The following GGNBP2 variants were observed in gnomAD, a reference collection of about 807,000 sequenced individuals.
GGNBP2 encodes the protein gametogenetin binding protein 2.
Under a neutral mutation model 85.9 loss-of-function variants are expected in GGNBP2, and 10 were observed. That is an observed-to-expected ratio of 0.12 (90% confidence interval 0.07 to 0.20). The LOEUF is 0.20. Ranked by LOEUF, GGNBP2 falls within the 10% of genes least tolerant of loss-of-function variation. The pLI is 1.00. For missense variants in GGNBP2, 595 were observed against 857.8 expected (o/e 0.69, Z 3.83); for synonymous variants, 287 against 285.7 (o/e 1.00, Z -0.05).
chr17:36,545,810 C>T lies in GGNBP2; in HGVS notation c.86C>T (p.Thr29Ile), dbSNP rs1010535744. 1 of 1,558,200 alleles carries T rather than the reference C, an allele frequency of 6.4e-7. No individual in the cohort carries two copies. The highest frequency in any genetic ancestry group is 8.7e-7 in the Non-Finnish European group (1 of 1,151,118). ...CAGATTCCCCTCTACATAGACGACA[C>T]CCTGACGGTGAGCGGGCCGGGCCGG... The part of the protein sequence containing the change: ...RRQIPLYIDD[T>I]LTMVMEFPDN... Residue 29 changes from threonine (T) to isoleucine (I), a missense_variant, in exon 2 of 14, where the codon ACC becomes ATC. Thr to Ile is a moderately conservative substitution (Grantham distance 89). Around this residue, in one of 9 missense-constraint regions of GGNBP2, gnomAD observed 216 missense variants for 293.4 expected, o/e 0.74. Transcript: ENST00000613102.
At chr17:36,556,733 A>T (rs1343073489) in intron 3 of GGNBP2, among the ~76,000 whole-genome samples, 1 of 148,906 alleles carries the variant, frequency 6.7e-6, no homozygotes, top group Admixed American at 6.7e-5. Context: ...CTTAAAAAAA[A>T]GGTACAGCTG....
intron 6 of GGNBP2, among the ~76,000 whole-genome samples, chr17:36,575,613 CATATATATATATATATATATATATAT>C (rs776677029): frequency 9.0e-5 from 6 of 66,940 alleles, no homozygotes; most frequent in African/African-American, 5.3e-4. Flanking sequence ...TCTAATGTAA[CATATATATATATATATATATATATAT>C]ATATATATAT....
chr17:36,557,442 T>A (rs1471174153), intron 4 of GGNBP2, 106 bp downstream of exon 4: 2 of 955,360 alleles, frequency 2.1e-6, no homozygotes, highest in Non-Finnish European at 3.2e-6. Flanking sequence ...GATTTAATAA[T>A]TTTATTGAGT....
Position 36,579,422 on chromosome 17 carries a change from A to C in GGNBP2, c.1020+3A>C, listed in dbSNP as rs1286773905. The C allele has an allele frequency of 1.2e-6, 2 of 1,613,670 alleles. No individual in the cohort carries two copies. The highest frequency in any genetic ancestry group is 1.7e-6 in the Non-Finnish European group (2 of 1,179,684). ...ATGCTTTACGCAAGAGTTTTGAGGTAAGAACAGTGGGCTGTTCCAGTATCT... is the reference window on the plus strand; with the variant it reads ...ATGCTTTACGCAAGAGTTTTGAGGTCAGAACAGTGGGCTGTTCCAGTATCT... On this transcript the variant is annotated splice_donor_region_variant and intron_variant, in intron 8 of 13. Coordinates refer to ENST00000613102, the MANE Select transcript of GGNBP2 (RefSeq NM_024835.5).
intron 1 of GGNBP2, 166 bp from the exon 2 acceptor site, chr17:36,545,453 G>T (rs1331086485): frequency 2.5e-6 from 1 of 399,050 alleles, no homozygotes; most frequent in Non-Finnish European, 4.4e-6. Context: ...CGCGAGGGGG[G>T]CGGGTCCCGG....
intron 13 of GGNBP2, among the ~76,000 whole-genome samples, chr17:36,588,530 A>G (rs1172507609): frequency 6.6e-6 from 1 of 152,076 alleles, no homozygotes; most frequent in African/African-American, 2.4e-5. Context: ...TGCTGGGATT[A>G]CAGGCGTGAG....
chr17:36,545,569 T>C, intron 1 of GGNBP2, 50 bp from the exon 2 acceptor site: 1 of 599,766 alleles, frequency 1.7e-6, no homozygotes, highest in East Asian at 2.9e-5. Context: ...CCGTGGCGAA[T>C]GTGCTGCGCA....
At chr17:36,568,458 G>A (rs1555606248) in intron 6 of GGNBP2, among the ~76,000 whole-genome samples, 1 of 152,014 alleles carries the variant, frequency 6.6e-6, no homozygotes, top group Non-Finnish European at 1.5e-5. Flanking sequence ...CACCACGCCC[G>A]GCTAATTTTT....
chr17:36,553,265 A>C (rs1166145470), intron 2 of GGNBP2, among the ~76,000 whole-genome samples: 1 of 152,190 alleles, frequency 6.6e-6, no homozygotes, highest in Non-Finnish European at 1.5e-5. Flanking sequence ...TGAAAATTTG[A>C]AGTGTGTTGC....
intron 6 of GGNBP2, among the ~76,000 whole-genome samples, chr17:36,569,887 G>A (rs1038251414): frequency 4.6e-5 from 7 of 152,104 alleles, no homozygotes; most frequent in African/African-American, 1.4e-4. Context: ...CTATGTTTAG[G>A]GTTAGTGTTT....
rs1487771773 is a variant in GGNBP2 at position 36,575,640 on chromosome 17, A to T, written c.642-2343A>T. Among the ~76,000 whole-genome samples the T allele has an allele frequency of 3.2e-3, 159 of 50,020 alleles. 4 individuals carry two copies. Among genetic ancestry groups the T allele is most frequent in the African/African-American group, 0.01 (113 of 11,132 alleles). The allele number at this position is 50,020 out of a possible 152,430, so 32.8% of individuals were successfully genotyped here. ...TATATATATATATATATATATATAT[A>T]TATATATATTTTTTTTTTTTTTTGA... On this transcript the variant is annotated intron_variant, in intron 6 of 13. Transcript: ENST00000613102.
At chr17:36,556,789 A>C (rs2074366603) in intron 3 of GGNBP2, among the ~76,000 whole-genome samples, 1 of 104,754 alleles carries the variant, frequency 9.5e-6, no homozygotes. Context: ...TTGTGAGAGG[A>C]CTGGCCTAAT....
At chr17:36,577,293 T>C (rs2142765186) in intron 6 of GGNBP2, 1 of 152,330 alleles carries the variant, frequency 6.6e-6, no homozygotes, top group East Asian at 1.9e-4. Context: ...ATTCACAAAC[T>C]CTTCTATTCT....
At position 36,589,586 on chromosome 17, in the gene GGNBP2, T is replaced by C. The variant is rs1182982265; in HGVS notation, c.*175T>C. Reference sequence around the variant, plus strand: ...CTCATTAGTTCTTTCTTCAGGCTTGTGTCTTTAGTTGCGTGGCTGCGCAGG... The same window carrying C: ...CTCATTAGTTCTTTCTTCAGGCTTGCGTCTTTAGTTGCGTGGCTGCGCAGG... On this transcript the variant is annotated 3_prime_UTR_variant, in exon 14 of 14. Transcript: ENST00000613102. The C allele has an allele frequency of 3.3e-6, 2 of 600,858 alleles. No individual in the cohort carries two copies. Among genetic ancestry groups the C allele is most frequent in the East Asian group, 5.5e-5 (2 of 36,388 alleles). The allele number at this position is 600,858 out of a possible 1,614,324, so 37.2% of individuals were successfully genotyped here.
At chr17:36,582,881 T>C (rs2142780961) in intron 9 of GGNBP2, among the ~76,000 whole-genome samples, 1 of 152,282 alleles carries the variant, frequency 6.6e-6, no homozygotes, top group African/African-American at 2.4e-5. Flanking sequence ...TTACCAATAT[T>C]TACTGTATTA....
intron 6 of GGNBP2, among the ~76,000 whole-genome samples, chr17:36,575,648 A>ATATATATATATATATTTTT (rs374366757): frequency 1.8e-5 from 1 of 54,912 alleles, no homozygotes; most frequent in African/African-American, 1.1e-4. Flanking sequence ...ATATATATAT[A>ATATATATATATATATTTTT]TTTTTTTTTT....
chr17:36,579,365 G>A lies in GGNBP2; in HGVS notation c.966G>A (p.Gln322=), dbSNP rs2074622471. 1 of 1,614,254 alleles carries A rather than the reference G, an allele frequency of 6.2e-7. No individual in the cohort carries two copies. The highest frequency in any genetic ancestry group is 8.5e-7 in the Non-Finnish European group (1 of 1,180,034). ...RIWQKLRAEE[Q]TWQMLFYLGV... Reference sequence around the variant, plus strand: ...GGCAGAAGCTACGGGCAGAAGAGCAGACATGGCAGATGCTTTTCTATCTTG... The same window carrying A: ...GGCAGAAGCTACGGGCAGAAGAGCAAACATGGCAGATGCTTTTCTATCTTG... The change falls in exon 8 of 14, where the codon CAG becomes CAA. Residue 322 remains glutamine, a synonymous_variant. Coordinates refer to ENST00000613102, the MANE Select transcript of GGNBP2 (RefSeq NM_024835.5).
rs2074708564 is a variant in GGNBP2 at position 36,586,999 on chromosome 17, C to G, written c.1644C>G (p.Ile548Met). The change falls in exon 13 of 14, where the codon ATC (isoleucine) becomes ATG (methionine). Residue 548 changes from isoleucine (I) to methionine (M), a missense_variant and splice_region_variant. Physicochemically the swap from Ile to Met is conservative, Grantham distance 10. Coordinates refer to ENST00000613102, the MANE Select transcript of GGNBP2 (RefSeq NM_024835.5). ...KSKILKCDEH[I>M]QKLGSCITDP... ...GAAATCCTTTGCTGTGGTATCAGAT[C>G]CAGAAGCTTGGAAGCTGTATTACAG... The G allele has an allele frequency of 1.2e-6, 2 of 1,611,016 alleles. No homozygotes were observed. Among genetic ancestry groups the G allele is most frequent in the African/African-American group, 1.3e-5 (1 of 74,386 alleles).
In GGNBP2 at chr17:36,545,692, G is replaced by C; in HGVS notation, c.-33G>C. 6.6e-7 allele frequency: 1 copy of C among 1,509,810 alleles called. No individual in the cohort carries two copies. The highest frequency in any genetic ancestry group is 9.0e-7 in the Non-Finnish European group (1 of 1,108,960). 93.5% of individuals were successfully genotyped at this position (1,509,810 alleles called of 1,614,324 possible). On this transcript the variant is annotated 5_prime_UTR_variant, in exon 2 of 14. Coordinates refer to ENST00000613102, the MANE Select transcript of GGNBP2 (RefSeq NM_024835.5). ...CGGCGGCGGCGGCAGCTGGGAGGAG[G>C]TGGTGACGGTGGCAACGGCAGCGTC...
Sources: gnomAD v4.1 joint callset for allele counts (sites outside exome capture counted in the v4.1 genomes callset) on GRCh38, gnomAD v4.1.1 for gene constraint, gnomAD v4.1.1 regional missense constraint, MANE v1.5 for transcripts, NCBI Gene and HGNC (gene_info 2026-07-23, HGNC 2026-07-21) for gene names.